Variants in TNFSF8 observed in about 807,000 individuals in gnomAD.
The protein encoded by TNFSF8 is tumor necrosis factor ligand superfamily member 8.
Under a neutral mutation model 22.0 loss-of-function variants are expected in TNFSF8, and 4 were observed. That is an observed-to-expected ratio of 0.18 (90% confidence interval 0.09 to 0.42). TNFSF8 has a LOEUF of 0.42. TNFSF8 is among the 10% of genes least tolerant of loss of function. The probability of loss-of-function intolerance (pLI) is 1.00; values close to 1 mark genes in which losing one functional copy is unlikely to be tolerated. For missense variants in TNFSF8, 233 were observed against 281.8 expected (o/e 0.83, Z 1.24); for synonymous variants, 106 against 112.5 (o/e 0.94, Z 0.37).
In TNFSF8 at chr9:114,894,286, T is replaced by C. The variant is rs150635705; in HGVS notation, c.410-122A>G. 1,487 of 767,622 alleles carry C rather than the reference T, an allele frequency of 1.9e-3. 40 individuals carry two copies. The East Asian group carries it at 0.033, about 17-fold the overall frequency. 47.6% of individuals were successfully genotyped at this position (767,622 alleles called of 1,614,324 possible). On this transcript the variant is annotated intron_variant, in intron 4 of 4. Coordinates refer to the TNFSF8 transcript ENST00000618336. ...AGGCAAATGTACAATCATGCTGTCA[T>C]AGTGAGTGTAGTAAATTTTTAGACA...
exon 5 of TNFSF8, chr9:114,894,126 G>C (rs1304263332): frequency 5.9e-6 from 9 of 1,535,252 alleles, no homozygotes; most frequent in Non-Finnish European, 7.8e-6. Context: ...CCAGAGTCCA[G>C]GGTAGAGTGT....
At chr9:114,923,529 T>TTTG in intron 1 of TNFSF8, among the ~76,000 whole-genome samples, 1 of 147,606 alleles carries the variant, frequency 6.8e-6, no homozygotes, top group Non-Finnish European at 1.5e-5. Flanking sequence ...TTTCTTTTTT[T>TTTG]TTTTTTGAGA....
chr9:114,916,886 A>G (rs968069539), intron 2 of TNFSF8, among the ~76,000 whole-genome samples: 4 of 152,214 alleles, frequency 2.6e-5, no homozygotes, highest in African/African-American at 7.2e-5. Context: ...GCATTCTACT[A>G]TGCTCCTTTT....
intron 1 of TNFSF8, among the ~76,000 whole-genome samples, chr9:114,923,421 G>A (rs956780247): frequency 3.9e-5 from 6 of 151,958 alleles, no homozygotes; most frequent in African/African-American, 9.7e-5. Context: ...AAACCACCAA[G>A]TGAAGAGTAT....
At chr9:114,925,799 T>C (rs1828050109) in intron 1 of TNFSF8, among the ~76,000 whole-genome samples, 1 of 152,194 alleles carries the variant, frequency 6.6e-6, no homozygotes, top group South Asian at 2.1e-4. Context: ...CCTTTTGGAA[T>C]GTAACCCTTT....
chr9:114,894,317 G>A (rs949056122), intron 4 of TNFSF8, among the ~76,000 whole-genome samples: 6 of 151,158 alleles, frequency 4.0e-5, no homozygotes, highest in Admixed American at 1.3e-4. Context: ...AGACAGAAGT[G>A]AGAATATCAA....
At chr9:114,914,757 G>A (rs1273132025) in intron 2 of TNFSF8, among the ~76,000 whole-genome samples, 6 of 152,034 alleles carry the variant, frequency 3.9e-5, no homozygotes, top group African/African-American at 1.2e-4. Flanking sequence ...AGAAGGGTGT[G>A]GGGGAAAGGT....
chr9:114,918,214 T>G, intron 1 of TNFSF8, 76 bp from the exon 2 acceptor site: 2 of 1,399,736 alleles, frequency 1.4e-6, no homozygotes, highest in Non-Finnish European at 9.7e-7. Context: ...CTTTTTCATT[T>G]TGTTGTCCTT....
chr9:114,917,102 TGAA>T (rs1827929071), intron 2 of TNFSF8, among the ~76,000 whole-genome samples: 1 of 152,170 alleles, frequency 6.6e-6, no homozygotes. Flanking sequence ...AAGGGAAACT[TGAA>T]GGACACTCCA....
At chr9:114,915,015 C>A (rs752305554) in intron 2 of TNFSF8, among the ~76,000 whole-genome samples, 1 of 152,188 alleles carries the variant, frequency 6.6e-6, no homozygotes, top group African/African-American at 2.4e-5. Flanking sequence ...AGATTTTCAA[C>A]AGCCAGTGAA....
intron 1 of TNFSF8, among the ~76,000 whole-genome samples, chr9:114,926,778 C>A (rs1297936346): frequency 6.6e-6 from 1 of 151,972 alleles, no homozygotes; most frequent in Non-Finnish European, 1.5e-5. Context: ...GAAGGACACA[C>A]AAGAATCTGT....
chr9:114,906,913 G>A (rs1234153870), intron 2 of TNFSF8, among the ~76,000 whole-genome samples: 1 of 152,150 alleles, frequency 6.6e-6, no homozygotes, highest in Non-Finnish European at 1.5e-5. Flanking sequence ...TCTTTGACCT[G>A]ACATGGACAT....
At chr9:114,922,269 G>C (rs1040867474) in intron 1 of TNFSF8, among the ~76,000 whole-genome samples, 1 of 152,128 alleles carries the variant, frequency 6.6e-6, no homozygotes, top group Non-Finnish European at 1.5e-5. Flanking sequence ...AAATGCCCCC[G>C]TGGACCAAAA....
At chr9:114,918,204 C>A in intron 1 of TNFSF8, 66 bp from the exon 2 acceptor site, 1 of 1,438,026 alleles carries the variant, frequency 7.0e-7, no homozygotes, top group Admixed American at 2.2e-5. Flanking sequence ...TTTTTTTTTT[C>A]TTTTTCATTT....
exon 5 of TNFSF8, chr9:114,894,038 G>T (rs1202004707): frequency 6.7e-7 from 1 of 1,482,144 alleles, no homozygotes; most frequent in Non-Finnish European, 9.1e-7. Context: ...CAGTGACCCA[G>T]GGTAGAAGCA....
At chr9:114,914,184 C>A (rs1827887834) in intron 2 of TNFSF8, among the ~76,000 whole-genome samples, 1 of 152,048 alleles carries the variant, frequency 6.6e-6, no homozygotes, top group Admixed American at 6.6e-5. Flanking sequence ...AGGGCTGAAC[C>A]CCAGGGAGGA....
chr9:114,898,921 C>T (rs1177303510), downstream of TNFSF8, among the ~76,000 whole-genome samples: 1 of 152,096 alleles, frequency 6.6e-6, no homozygotes, highest in Admixed American at 6.5e-5. Flanking sequence ...TCTAGAACCA[C>T]AAAACTGCTG....
chr9:114,893,361 T>C lies in TNFSF8; in HGVS notation c.*718A>G, dbSNP rs1330007819. 4 of 152,392 alleles carry C rather than the reference T, an allele frequency of 2.6e-5. No individual in the cohort carries two copies. The East Asian group carries it at 5.8e-4, about 22-fold the overall frequency. 9.4% of individuals were successfully genotyped at this position (152,392 alleles called of 1,614,324 possible). The stretch of plus-strand genomic sequence containing the variant: ...ATGTGGCTGTGTTCCAATAAAACTT[T>C]ATTTACAAAAGTAGGCAGAGTCGCC... On this transcript the variant is annotated 3_prime_UTR_variant, in exon 5 of 5. Transcript: ENST00000618336.
Position 114,903,644 on chromosome 9 carries a change from G to T in TNFSF8, c.*287C>A. On this transcript the variant is annotated 3_prime_UTR_variant, in exon 4 of 4. Transcript: ENST00000223795. ...AAGAAATAGATCAAGACCATACAGT[G>T]AATTAGAGGTTGGGCTGGGACATCC... The T allele has an allele frequency of 9.5e-7, 1 of 1,050,404 alleles. No individual in the cohort carries two copies. Among genetic ancestry groups the T allele is most frequent in the Non-Finnish European group, 1.2e-6 (1 of 853,000 alleles). The allele number at this position is 1,050,404 out of a possible 1,614,324, so 65.1% of individuals were successfully genotyped here.
Sources: gnomAD v4.1 joint callset for allele counts (sites outside exome capture counted in the v4.1 genomes callset) on GRCh38, gnomAD v4.1.1 for gene constraint, MANE v1.5 for transcripts, NCBI Gene and HGNC (gene_info 2026-07-23, HGNC 2026-07-21) for gene names.